The following MDGA2 variants were observed in gnomAD, a reference collection of about 807,000 sequenced individuals.
MDGA2 encodes the protein MAM domain containing glycosylphosphatidylinositol anchor 2.
MDGA2 carries 40 observed loss-of-function variants against 117.8 expected under a neutral mutation model. The observed-to-expected ratio is 0.34, with a 90% CI of 0.26 to 0.44. The LOEUF is 0.44. MDGA2 is among the 20% of genes least tolerant of loss of function. The probability of loss-of-function intolerance (pLI) is 1.00; values close to 1 mark genes in which losing one functional copy is unlikely to be tolerated. For missense variants in MDGA2, 1,123 were observed against 1,250.6 expected (o/e 0.90, Z 1.54); for synonymous variants, 452 against 439.0 (o/e 1.03, Z -0.37).
At chr14:47,519,700 G>T (rs550372400) in intron 1 of MDGA2, among the ~76,000 whole-genome samples, 1 of 152,108 alleles carries the variant, frequency 6.6e-6, no homozygotes, top group Admixed American at 6.6e-5. Context: ...TAATCTTCTG[G>T]AGTCATCTTT....
chr14:47,363,241 T>C (rs1251659063), intron 1 of MDGA2, among the ~76,000 whole-genome samples: 1 of 152,116 alleles, frequency 6.6e-6, no homozygotes, highest in Non-Finnish European at 1.5e-5. Context: ...TATTTATTTA[T>C]GTGTTTAATT....
intron 2 of MDGA2, among the ~76,000 whole-genome samples, chr14:47,234,176 ATG>A (rs1196471073): frequency 1.3e-5 from 2 of 151,482 alleles, no homozygotes; most frequent in East Asian, 1.9e-4. Context: ...TTAATAATAT[ATG>A]TGTGTGCATA....
intron 1 of MDGA2, among the ~76,000 whole-genome samples, chr14:47,305,578 A>T (rs1261524555): frequency 6.6e-6 from 1 of 152,194 alleles, no homozygotes; most frequent in African/African-American, 2.4e-5. Flanking sequence ...AAATAGTACA[A>T]ATAAATTATT....
At chr14:46,987,848 C>A (rs1228160839) in intron 8 of MDGA2, among the ~76,000 whole-genome samples, 1 of 150,958 alleles carries the variant, frequency 6.6e-6, no homozygotes, top group Non-Finnish European at 1.5e-5. Flanking sequence ...GGGACATCTT[C>A]CTTACTAATA....
chr14:46,994,166 A>G (rs1236913208), intron 8 of MDGA2, among the ~76,000 whole-genome samples: 1 of 152,180 alleles, frequency 6.6e-6, no homozygotes, highest in Non-Finnish European at 1.5e-5. Context: ...ATATTGTCAC[A>G]AATCAGTGCT....
intron 1 of MDGA2, among the ~76,000 whole-genome samples, chr14:47,355,748 A>C (rs753319374): frequency 6.6e-6 from 1 of 152,156 alleles, no homozygotes; most frequent in Non-Finnish European, 1.5e-5. Flanking sequence ...CTACAAGAGA[A>C]GTCACTTCCA....
At chr14:46,994,602 C>T (rs879456250) in intron 8 of MDGA2, among the ~76,000 whole-genome samples, 2 of 151,964 alleles carry the variant, frequency 1.3e-5, no homozygotes, top group Non-Finnish European at 2.9e-5. Context: ...TGAACATCAA[C>T]AGACCAAACC....
intron 8 of MDGA2, among the ~76,000 whole-genome samples, chr14:47,018,450 C>G (rs1888160820): frequency 6.6e-6 from 1 of 152,036 alleles, no homozygotes; most frequent in Non-Finnish European, 1.5e-5. Flanking sequence ...TCTTTTACTT[C>G]CCCTCCTCTT....
Position 47,604,487 on chromosome 14 carries a change from AC to A in MDGA2, c.280+70029del, listed in dbSNP as rs60602833. ...GTGTTCCACCATTCACAGCTTCCCC[AC>A]CCCCCCCCACCCTCACCCCCCTATA... is the stretch of plus-strand genomic sequence containing the variant. On this transcript the variant is annotated intron_variant, in intron 1 of 16. Transcript: ENST00000399232. Among the ~76,000 whole-genome samples, 670 of 92,096 alleles carry A rather than the reference AC, an allele frequency of 7.3e-3. 5 individuals carry two copies. The highest frequency in any genetic ancestry group is 0.024 in the African/African-American group (599 of 25,090). The allele number at this position is 92,096 out of a possible 152,430, so 60.4% of individuals were successfully genotyped here.
At chr14:47,062,979 T>C (rs1361657841) in intron 6 of MDGA2, among the ~76,000 whole-genome samples, 2 of 152,018 alleles carry the variant, frequency 1.3e-5, no homozygotes, top group African/African-American at 4.8e-5. Context: ...GAAGGGCTCC[T>C]CCTCAAGACT....
chr14:47,465,820 C>T (rs10132869), intron 1 of MDGA2, among the ~76,000 whole-genome samples: 47,302 of 151,960 alleles, frequency 0.31, 7,658 homozygotes, highest in South Asian at 0.52. Flanking sequence ...CCAGAAATCC[C>T]GTTACTGGGT....
intron 1 of MDGA2, among the ~76,000 whole-genome samples, chr14:47,456,592 C>G (rs1893359697): frequency 6.6e-6 from 1 of 151,994 alleles, no homozygotes; most frequent in Non-Finnish European, 1.5e-5. Context: ...CATAAGCCAC[C>G]ATGCCCGGCC....
intron 10 of MDGA2, among the ~76,000 whole-genome samples, chr14:46,917,576 T>A (rs1210346506): frequency 6.6e-6 from 1 of 152,108 alleles, no homozygotes; most frequent in Non-Finnish European, 1.5e-5. Flanking sequence ...TTCATTATTT[T>A]AAAAAAACAT....
intron 10 of MDGA2, among the ~76,000 whole-genome samples, chr14:46,918,876 C>T (rs1047287602): frequency 2.6e-5 from 4 of 151,242 alleles, no homozygotes; most frequent in African/African-American, 9.8e-5. Flanking sequence ...ATTCTCCTGC[C>T]TCAGCCTCCC....
chr14:47,622,442 G>C (rs922440541), intron 1 of MDGA2, among the ~76,000 whole-genome samples: 1 of 152,194 alleles, frequency 6.6e-6, no homozygotes, highest in Non-Finnish European at 1.5e-5. Flanking sequence ...AAAACACATT[G>C]ACTTGGATCA....
At chr14:47,112,204 A>G (rs1881077719) in intron 5 of MDGA2, among the ~76,000 whole-genome samples, 1 of 152,182 alleles carries the variant, frequency 6.6e-6, no homozygotes, top group African/African-American at 2.4e-5. Context: ...AAAGGGAGAC[A>G]GAATGAGAAA....
At chr14:47,609,345 A>G (rs1043738612) in intron 1 of MDGA2, among the ~76,000 whole-genome samples, 2 of 145,682 alleles carry the variant, frequency 1.4e-5, no homozygotes, top group Non-Finnish European at 3.0e-5. Context: ...GTTACTTCAC[A>G]TAGAATAATA....
intron 1 of MDGA2, among the ~76,000 whole-genome samples, chr14:47,593,353 C>T (rs900322039): frequency 6.6e-5 from 10 of 152,128 alleles, no homozygotes; most frequent in Admixed American, 5.9e-4. Flanking sequence ...ACCAGAAATA[C>T]CATTTGACCC....
chr14:47,214,935 G>T (rs534143903), intron 3 of MDGA2, among the ~76,000 whole-genome samples: 1 of 152,042 alleles, frequency 6.6e-6, no homozygotes, highest in African/African-American at 2.4e-5. Context: ...TTTTACAAGG[G>T]ATTCAAGAAT....
Sources: gnomAD v4.1 joint callset for allele counts (sites outside exome capture counted in the v4.1 genomes callset) on GRCh38, gnomAD v4.1.1 for gene constraint, MANE v1.5 for transcripts, NCBI Gene and HGNC (gene_info 2026-07-23, HGNC 2026-07-21) for gene names.